TAFA1: variants seen among roughly 807,000 people sequenced by gnomAD.
TAFA1 encodes chemokine-like protein TAFA-1.
A neutral mutation model predicts 18.5 loss-of-function variants in TAFA1; 4 were observed. The ratio of observed to expected loss-of-function variants is 0.22; its 90% confidence interval spans 0.11 to 0.49. TAFA1 has a LOEUF of 0.49. TAFA1 is among the 20% of genes least tolerant of loss of function. The pLI is 0.98. For synonymous variants in TAFA1, 56 were observed against 55.2 expected, an observed-to-expected ratio of 1.01 and a Z score of -0.06; for missense variants, 147 against 169.0, an observed-to-expected ratio of 0.87 and a Z score of 0.72.
At chr3:68,214,220 T>A (rs1046184584) in intron 2 of TAFA1, among the ~76,000 whole-genome samples, 33 of 152,106 alleles carry the variant, frequency 2.2e-4, no homozygotes, top group Non-Finnish European at 2.8e-4. Flanking sequence ...GTCTGTCCTT[T>A]TCATGCTTTC....
chr3:68,491,724 A>G (rs1048263833), intron 3 of TAFA1, among the ~76,000 whole-genome samples: 8 of 152,190 alleles, frequency 5.3e-5, no homozygotes, highest in Non-Finnish European at 1.0e-4. Flanking sequence ...GTGGAAAGGG[A>G]TCCTGAAACC....
intron 2 of TAFA1, among the ~76,000 whole-genome samples, chr3:68,204,257 G>A (rs2066500855): frequency 6.6e-6 from 1 of 151,762 alleles, no homozygotes; most frequent in Admixed American, 6.6e-5. Flanking sequence ...CTTCTAAGAT[G>A]TGGAACATGA....
chr3:68,130,551 C>T (rs1296521220), intron 2 of TAFA1, among the ~76,000 whole-genome samples: 1 of 152,212 alleles, frequency 6.6e-6, no homozygotes, highest in Non-Finnish European at 1.5e-5. Flanking sequence ...GCACTGTGCT[C>T]CCTTTCTTAC....
chr3:68,297,278 T>C (rs1447834344), intron 2 of TAFA1, among the ~76,000 whole-genome samples: 1 of 152,210 alleles, frequency 6.6e-6, no homozygotes, highest in East Asian at 1.9e-4. Flanking sequence ...TTGGCTAAGG[T>C]TGTAGGGACT....
At chr3:68,013,245 G>A (rs1352021661) in intron 2 of TAFA1, among the ~76,000 whole-genome samples, 2 of 152,136 alleles carry the variant, frequency 1.3e-5, no homozygotes, top group African/African-American at 2.4e-5. Flanking sequence ...CTACTTGTGT[G>A]TGAGTGTGTG....
intron 2 of TAFA1, among the ~76,000 whole-genome samples, chr3:68,112,776 A>G (rs1432232816): frequency 6.6e-6 from 1 of 152,084 alleles, no homozygotes; most frequent in Non-Finnish European, 1.5e-5. Context: ...CTCTATGCCA[A>G]AAATAAACAG....
intron 2 of TAFA1, among the ~76,000 whole-genome samples, chr3:68,220,755 C>T (rs2066719360): frequency 6.6e-6 from 1 of 152,086 alleles, no homozygotes; most frequent in South Asian, 2.1e-4. Flanking sequence ...TGTTCTTTGG[C>T]TCATGTTCAC....
intron 2 of TAFA1, among the ~76,000 whole-genome samples, chr3:68,135,006 C>T (rs1221441819): frequency 6.6e-6 from 1 of 152,166 alleles, no homozygotes; most frequent in African/African-American, 2.4e-5. Flanking sequence ...TATGTGATTT[C>T]TATCTTCTGG....
chr3:68,254,778 G>C (rs1368560715), intron 2 of TAFA1, among the ~76,000 whole-genome samples: 1 of 152,058 alleles, frequency 6.6e-6, no homozygotes, highest in East Asian at 1.9e-4. Flanking sequence ...TGACTTTACT[G>C]TACTAAGGGC....
At chr3:68,078,792 C>G (rs9698292) in intron 2 of TAFA1, among the ~76,000 whole-genome samples, 1 of 152,114 alleles carries the variant, frequency 6.6e-6, no homozygotes, top group Non-Finnish European at 1.5e-5. Context: ...TGTGTCTCTG[C>G]CTGGCTTTGG....
At chr3:68,526,040 C>G (rs775140875) in intron 3 of TAFA1, among the ~76,000 whole-genome samples, 2 of 152,116 alleles carry the variant, frequency 1.3e-5, no homozygotes, top group Non-Finnish European at 2.9e-5. Flanking sequence ...CTTTGATTCC[C>G]TAGGATTTGG....
chr3:68,226,192 G>C (rs1249859595), intron 2 of TAFA1, among the ~76,000 whole-genome samples: 1 of 152,152 alleles, frequency 6.6e-6, no homozygotes, highest in Non-Finnish European at 1.5e-5. Flanking sequence ...TAAAAACAAG[G>C]GGTCAGGGTA....
intron 2 of TAFA1, among the ~76,000 whole-genome samples, chr3:68,387,314 G>A (rs191555539): frequency 1.3e-5 from 2 of 152,096 alleles, no homozygotes; most frequent in East Asian, 3.9e-4. Flanking sequence ...TGCAAAAGGG[G>A]GCTATTTTAA....
At chr3:68,134,300 A>T (rs2106888289) in intron 2 of TAFA1, among the ~76,000 whole-genome samples, 1 of 152,284 alleles carries the variant, frequency 6.6e-6, no homozygotes, top group Non-Finnish European at 1.5e-5. Context: ...TCAGGAGACC[A>T]ACGCTCAAGT....
chr3:68,369,929 G>A (rs262182), intron 2 of TAFA1, among the ~76,000 whole-genome samples: 94,519 of 151,816 alleles, frequency 0.62, 30,144 homozygotes, highest in East Asian at 1. Context: ...TGCTTTTAAG[G>A]CACTCAGGAA....
At chr3:68,079,179 GC>G (rs879224380) in intron 2 of TAFA1, among the ~76,000 whole-genome samples, 15 of 151,980 alleles carry the variant, frequency 9.9e-5, no homozygotes, top group Admixed American at 3.9e-4. Flanking sequence ...ATTTTTTATT[GC>G]CGTCTATTTG....
intron 2 of TAFA1, among the ~76,000 whole-genome samples, chr3:68,208,292 A>G (rs1215897443): frequency 6.6e-6 from 1 of 151,796 alleles, no homozygotes; most frequent in East Asian, 1.9e-4. Context: ...CGTCGTGTTG[A>G]TTGGAGTCGT....
chr3:68,189,283 A>G (rs2066309909), intron 2 of TAFA1, among the ~76,000 whole-genome samples: 1 of 151,926 alleles, frequency 6.6e-6, no homozygotes. Flanking sequence ...ACTCACCTAC[A>G]TGCCTCTGTT....
At chr3:68,026,003 G>T (rs1022666745) in intron 2 of TAFA1, among the ~76,000 whole-genome samples, 2 of 152,144 alleles carry the variant, frequency 1.3e-5, no homozygotes, top group African/African-American at 2.4e-5. Flanking sequence ...AGGGCAAAAA[G>T]AAGGCTCTTA....
Sources: allele counts gnomAD v4.1 joint callset (sites outside exome capture counted in the v4.1 genomes callset), GRCh38; gene constraint gnomAD v4.1.1; transcripts MANE v1.5; gene names NCBI Gene and HGNC (gene_info 2026-07-23, HGNC 2026-07-21).